CKAP2: variants seen among roughly 807,000 people sequenced by gnomAD.
CKAP2 encodes cytoskeleton associated protein 2.
In CKAP2, 46 loss-of-function variants were observed where a neutral mutation model predicts 58.4. The ratio of observed to expected loss-of-function variants is 0.79; its 90% confidence interval spans 0.62 to 1.01. The LOEUF (loss-of-function observed/expected upper bound fraction) is 1.01. Among genes scored for constraint, CKAP2 ranks in the 50% least tolerant of loss-of-function variants. The pLI, the probability that CKAP2 is intolerant of heterozygous loss-of-function variation, is 0.00. For synonymous variants in CKAP2, 293 were observed against 280.9 expected (o/e 1.04, Z -0.43); for missense variants, 809 against 796.4 (o/e 1.02, Z -0.19).
chr13:52,456,137 A>G (rs766952603), intron 1 of CKAP2: 127 of 1,026,110 alleles, frequency 1.2e-4, no homozygotes, highest in Non-Finnish European at 1.4e-4. Flanking sequence ...TATTCTACAC[A>G]CGGGAAAGCA....
intron 2 of CKAP2, among the ~76,000 whole-genome samples, chr13:52,459,298 T>C (rs758720222): frequency 1.3e-5 from 2 of 152,094 alleles, no homozygotes; most frequent in Non-Finnish European, 2.9e-5. Context: ...TTATGTCAAA[T>C]GTAAAATATA....
rs370863834 is a variant in CKAP2 at position 52,461,505 on chromosome 13, G to C, written c.679G>C (p.Val227Leu). The stretch of plus-strand genomic sequence containing the variant: ...GCCTGTAAACACCAGCAGTGTAACA[G>C]TGAAAAGTAATAGATCCTCCAATAT... ...PQPVNTSSVT[V>L]KSNRSSNMTA... Residue 227 changes from valine (V) to leucine (L), a missense_variant, in exon 4 of 9, where the codon GTG becomes CTG. Transcript: ENST00000258607. The C allele has an allele frequency of 2.5e-6, 4 of 1,614,016 alleles. No individual in the cohort carries two copies. Among genetic ancestry groups the C allele is most frequent in the Non-Finnish European group, 2.5e-6 (3 of 1,180,026 alleles).
chr13:52,462,729 G>A (rs527575694), intron 5 of CKAP2, among the ~76,000 whole-genome samples, 162 bp downstream of exon 5: 5 of 152,194 alleles, frequency 3.3e-5, no homozygotes, highest in South Asian at 2.1e-4. Context: ...ATTTAATTGC[G>A]AGATACACTG....
At chr13:52,472,565 A>G (rs1243880298) in intron 7 of CKAP2, among the ~76,000 whole-genome samples, 1 of 152,008 alleles carries the variant, frequency 6.6e-6, no homozygotes, top group East Asian at 1.9e-4. Context: ...TTTTATTTTG[A>G]ACTCTTTGTC....
intron 1 of CKAP2, among the ~76,000 whole-genome samples, 168 bp from the exon 2 acceptor site, chr13:52,456,355 G>A (rs1165934661): frequency 6.6e-6 from 1 of 152,128 alleles, no homozygotes; most frequent in Non-Finnish European, 1.5e-5. Context: ...TCTCTTCTAA[G>A]GTGATTTCTC....
Position 52,474,911 on chromosome 13 carries a change from C to T in CKAP2, c.1819C>T (p.Gln607Ter). 6.2e-6 allele frequency: 10 copies of T among 1,607,692 alleles called. No homozygotes were observed. The highest frequency in any genetic ancestry group is 2.2e-5 in the East Asian group (1 of 44,708). ...PYLQSVKKKV[Q>*]FDGTNSAFKE... is the part of the protein sequence containing the mutation. The stretch of plus-strand genomic sequence containing the variant: ...AATTTTCAGTGTGAAAAAAAAGGTG[C>T]AGTTTGATGGAACAAATTCCGCATT... Residue 607 changes from glutamine to a stop codon, truncating the protein, a stop_gained, in exon 9 of 9, where the codon CAG (glutamine) becomes TAG (stop). Coordinates refer to ENST00000258607, the MANE Select transcript of CKAP2 (RefSeq NM_018204.5). LOFTEE classifies it high-confidence loss of function.
intron 2 of CKAP2, among the ~76,000 whole-genome samples, chr13:52,456,834 C>A (rs987563361): frequency 6.6e-6 from 1 of 152,180 alleles, no homozygotes; most frequent in East Asian, 1.9e-4. Flanking sequence ...TTCAAGCACT[C>A]AGTAGCCACA....
At chr13:52,468,597 G>A (rs1958716805) in intron 7 of CKAP2, among the ~76,000 whole-genome samples, 1 of 152,104 alleles carries the variant, frequency 6.6e-6, no homozygotes, top group Non-Finnish European at 1.5e-5. Flanking sequence ...TTCTTTAGCT[G>A]TCCATGTGTT....
intron 2 of CKAP2, among the ~76,000 whole-genome samples, chr13:52,458,758 G>A (rs984107558): frequency 7.9e-5 from 12 of 151,876 alleles, no homozygotes; most frequent in African/African-American, 2.9e-4. Flanking sequence ...GGGGAGGGCC[G>A]AGGCAGAAGA....
intron 7 of CKAP2, among the ~76,000 whole-genome samples, chr13:52,473,379 C>T (rs1317654205): frequency 6.6e-6 from 1 of 152,196 alleles, no homozygotes; most frequent in Non-Finnish European, 1.5e-5. Flanking sequence ...ATACCTCCTG[C>T]TCCCACTCCT....
intron 7 of CKAP2, 59 bp downstream of exon 7, chr13:52,468,406 TTTTAACTTTTA>T: frequency 9.4e-7 from 1 of 1,060,666 alleles, no homozygotes; most frequent in East Asian, 2.4e-5. Context: ...TGTTGTTGTT[TTTTAACTTTTA>T]TTTTAAGATC....
chr13:52,473,963 T>A lies in CKAP2; in HGVS notation c.1681T>A (p.Cys561Ser), dbSNP rs779253744. Residue 561 changes from cysteine (C) to serine (S), a missense_variant, in exon 8 of 9, where the codon TGT becomes AGT. By Grantham distance (112) the Cys-to-Ser change is moderately radical. This residue lies in a region of CKAP2 where 283 missense variants were observed against 287.6 expected (regional missense o/e 0.98). Transcript: ENST00000258607. ...TCATAGAAATTTGCTATTTCAAGAT[T>A]GTGAAAAAGAGCAAGACAACAAAAC... ...KLHRNLLFQD[C>S]EKEQDNKTKD... 1 of 1,614,020 alleles carries A rather than the reference T, an allele frequency of 6.2e-7. No homozygotes were observed. Among genetic ancestry groups the A allele is most frequent in the South Asian group, 1.1e-5 (1 of 91,068 alleles).
chr13:52,463,724 G>T (rs536015217), intron 5 of CKAP2, among the ~76,000 whole-genome samples: 1 of 152,272 alleles, frequency 6.6e-6, no homozygotes, highest in East Asian at 1.9e-4. Context: ...GGATAAGGAG[G>T]CATTCTGCTG....
chr13:52,456,812 G>A (rs1958490848), intron 2 of CKAP2, among the ~76,000 whole-genome samples: 1 of 152,016 alleles, frequency 6.6e-6, no homozygotes, highest in Admixed American at 6.6e-5. Context: ...TTTCCATTTG[G>A]TCTATCCACA....
chr13:52,469,593 A>AT (rs1491429967), intron 7 of CKAP2, among the ~76,000 whole-genome samples: 4,861 of 140,200 alleles, frequency 0.035, 132 homozygotes, highest in Non-Finnish European at 0.049. Context: ...TTATTTATTT[A>AT]TTTATTTTTT....
intron 6 of CKAP2, among the ~76,000 whole-genome samples, chr13:52,466,113 A>G (rs1189979126): frequency 1.3e-5 from 2 of 152,074 alleles, no homozygotes; most frequent in Non-Finnish European, 2.9e-5. Context: ...AAATGGCAAT[A>G]AACCGGTTTC....
intron 2 of CKAP2, among the ~76,000 whole-genome samples, 200 bp from the exon 3 acceptor site, chr13:52,460,699 A>ACCTG (rs373650582): frequency 8.9e-4 from 1 of 1,120 alleles, no homozygotes; most frequent in Non-Finnish European, 2.4e-3. Context: ...TGATCTGCCC[A>ACCTG]CCTCGGCCTC....
intron 6 of CKAP2, 42 bp from the exon 7 acceptor site, chr13:52,468,236 T>G: frequency 7.9e-7 from 1 of 1,265,742 alleles, no homozygotes; most frequent in Non-Finnish European, 1.1e-6. Context: ...TCAGAGAAAA[T>G]AAAACTTACA....
In CKAP2 at chr13:52,461,337, A is replaced by C. The variant is rs376545198; in HGVS notation, c.511A>C (p.Lys171Gln). Reference sequence around the variant, plus strand: ...ACAAAAGCAAGATGCTAACATGCCCAAGAAACCTGTGCTTGGATCTTATCG... The same window carrying C: ...ACAAAAGCAAGATGCTAACATGCCCCAGAAACCTGTGCTTGGATCTTATCG... ...EKQKQDANMP[K>Q]KPVLGSYRGQ... The change falls in exon 4 of 9, where the codon AAG becomes CAG. Residue 171 changes from lysine to glutamine, a missense_variant. Around this residue, in one of 3 missense-constraint regions of CKAP2, gnomAD observed 523 missense variants for 492.4 expected, o/e 1.06. Transcript: ENST00000258607. 6.2e-7 allele frequency: 1 copy of C among 1,614,124 alleles called. No homozygotes were observed. The highest frequency in any genetic ancestry group is 1.3e-5 in the African/African-American group (1 of 74,956).
Sources: allele counts gnomAD v4.1 joint callset (sites outside exome capture counted in the v4.1 genomes callset), GRCh38; gene constraint gnomAD v4.1.1; regional missense constraint gnomAD v4.1.1; transcripts MANE v1.5; gene names NCBI Gene and HGNC (gene_info 2026-07-23, HGNC 2026-07-21).